Variants in TBC1D14 observed in about 807,000 individuals in gnomAD.
TBC1D14 encodes TBC1 domain family, member 14.
Under a neutral mutation model 79.0 loss-of-function variants are expected in TBC1D14, and 26 were observed. The ratio of observed to expected loss-of-function variants is 0.33; its 90% CI spans 0.24 to 0.46. The LOEUF is 0.46. Among genes scored for constraint, TBC1D14 ranks in the 20% least tolerant of loss-of-function variants. The pLI is 1.00. For missense variants in TBC1D14, 769 were observed against 887.6 expected (o/e 0.87, Z 1.70); for synonymous variants, 394 against 349.9 (o/e 1.13, Z -1.40).
chr4:6,996,316 C>T lies in TBC1D14; in HGVS notation c.963-9C>T, dbSNP rs748854657. The stretch of plus-strand genomic sequence containing the variant: ...TATAATGGTGAAAACTCATTTCTTT[C>T]CTGTCAAGAAATCTCCCAGCAAAAC... On this transcript the variant is annotated splice_polypyrimidine_tract_variant and intron_variant, in intron 4 of 13. Transcript: ENST00000409757. 3.1e-6 allele frequency: 5 copies of T among 1,610,466 alleles called. No individual in the cohort carries two copies. The highest frequency in any genetic ancestry group is 4.5e-5 in the East Asian group (2 of 44,850).
At chr4:7,021,108 T>C (rs1438072331) in intron 12 of TBC1D14, among the ~76,000 whole-genome samples, 1 of 152,182 alleles carries the variant, frequency 6.6e-6, no homozygotes, top group Non-Finnish European at 1.5e-5. Flanking sequence ...CCCATGGTGC[T>C]TCCTTGCCTC....
chr4:7,013,290 AG>A (rs779043809), intron 11 of TBC1D14, among the ~76,000 whole-genome samples: 1 of 152,364 alleles, frequency 6.6e-6, no homozygotes, highest in African/African-American at 2.4e-5. Context: ...TATGACGACC[AG>A]AAGTATCTTC....
At chr4:7,020,591 T>G (rs545458533) in intron 12 of TBC1D14, among the ~76,000 whole-genome samples, 1 of 152,240 alleles carries the variant, frequency 6.6e-6, no homozygotes, top group Non-Finnish European at 1.5e-5. Flanking sequence ...TCCAAGTTGC[T>G]GGTTTTGGCT....
intron 2 of TBC1D14, among the ~76,000 whole-genome samples, chr4:6,930,009 CAT>C (rs1452561796): frequency 6.6e-6 from 1 of 152,170 alleles, no homozygotes; most frequent in African/African-American, 2.4e-5. Context: ...TCTCTTGTAA[CAT>C]GTGTAACGTG....
rs1179701615 is a variant in TBC1D14 at position 6,923,622 on chromosome 4, C to G, written c.233C>G (p.Pro78Arg). Residue 78 changes from proline (P) to arginine (R), a missense_variant, in exon 2 of 14, where the codon CCT becomes CGT. Pro to Arg is a moderately radical substitution (Grantham distance 103). Transcript: ENST00000409757. ...ACCCTGGAGATCGGGAACCCGGAGC[C>G]TGTACCCTGCAGCGCGGTCCACGTG... ...IPTLEIGNPE[P>R]VPCSAVHVRR... 2 of 1,613,872 alleles carry G rather than the reference C, an allele frequency of 1.2e-6. No homozygotes were observed. The highest frequency in any genetic ancestry group is 2.7e-5 in the African/African-American group (2 of 74,952).
At chr4:6,961,418 C>T (rs1715180583) in intron 2 of TBC1D14, among the ~76,000 whole-genome samples, 2 of 152,066 alleles carry the variant, frequency 1.3e-5, no homozygotes, top group Non-Finnish European at 2.9e-5. Flanking sequence ...CATGGGGGAG[C>T]TGAGCTGGCC....
At chr4:6,996,507 T>A in intron 5 of TBC1D14, 100 bp downstream of exon 5, 1 of 903,552 alleles carries the variant, frequency 1.1e-6, no homozygotes, top group Admixed American at 2.5e-5. Context: ...AACCTGAACT[T>A]CAGTCTTTGA....
At chr4:6,966,549 C>T (rs531208450) in intron 2 of TBC1D14, among the ~76,000 whole-genome samples, 1 of 152,328 alleles carries the variant, frequency 6.6e-6, no homozygotes, top group South Asian at 2.1e-4. Context: ...TACTCTTTAA[C>T]ACTAATTGTG....
rs998518201 is a variant in TBC1D14, at chr4:6,957,605, C to T, written c.723-9699C>T. On this transcript the variant is annotated intron_variant, in intron 2 of 13. Transcript: ENST00000409757. ...AGAGGAATTTGGGCTGGTGATTGGG[C>T]ACTTCTTGCTATATTCCTGGGAAGA... Among the ~76,000 whole-genome samples the T allele has an allele frequency of 7.2e-5, 11 of 152,330 alleles. No individual in the cohort carries two copies. The East Asian group carries it at 9.6e-4, about 13-fold the overall frequency.
At chr4:6,954,270 G>A (rs1363959280) in intron 2 of TBC1D14, 16 of 717,274 alleles carry the variant, frequency 2.2e-5, no homozygotes, top group Admixed American at 1.4e-4. Flanking sequence ...TTCTGCAGCC[G>A]GCCCCTCGGA....
At chr4:6,912,533 C>T (rs1723086502) in intron 1 of TBC1D14, among the ~76,000 whole-genome samples, 1 of 152,108 alleles carries the variant, frequency 6.6e-6, no homozygotes, top group Non-Finnish European at 1.5e-5. Flanking sequence ...AGTTGAGGCC[C>T]AGAGCTCCAT....
chr4:6,951,735 G>A (rs1173031491), intron 2 of TBC1D14, among the ~76,000 whole-genome samples: 2 of 152,160 alleles, frequency 1.3e-5, no homozygotes, highest in Non-Finnish European at 2.9e-5. Flanking sequence ...TGGAGGAGAG[G>A]GCTAGTGAAA....
rs1391208547 is a variant in TBC1D14 at position 6,947,585 on chromosome 4, C to T, written c.723-19719C>T. ...GCTGAGGCAGGAGAATCCCTTGAAC[C>T]CGGGAGGCGGAGGTTGTAGTGAGCT... On this transcript the variant is annotated intron_variant, in intron 2 of 13. Coordinates refer to ENST00000409757, the MANE Select transcript of TBC1D14 (RefSeq NM_020773.3). 3.3e-5 allele frequency among the ~76,000 whole-genome samples: 5 copies of T among 151,604 alleles called. 1 individual carries two copies. In the South Asian group the frequency reaches 6.3e-4, roughly 19 times the overall value.
chr4:6,963,011 C>G (rs902839623), intron 2 of TBC1D14, among the ~76,000 whole-genome samples: 1 of 152,214 alleles, frequency 6.6e-6, no homozygotes, highest in Non-Finnish European at 1.5e-5. Context: ...CTGGGAGACC[C>G]CACCGAAGGT....
In TBC1D14 at chr4:7,002,773, T is replaced by A. The variant is rs57792129; in HGVS notation, c.1270+1522T>A. On this transcript the variant is annotated intron_variant, in intron 7 of 13. Transcript: ENST00000409757. ...ACTGGGTCCTGCTTAATCTCGATTT[T>A]ACTACGTTTCCAAGCCAGTGTAAGA... 3.0e-3 allele frequency among the ~76,000 whole-genome samples: 458 copies of A among 152,332 alleles called. 1 individual carries two copies. Among genetic ancestry groups the A allele is most frequent in the African/African-American group, 0.01 (430 of 41,580 alleles).
At chr4:6,945,300 A>G (rs936735008) in intron 2 of TBC1D14, among the ~76,000 whole-genome samples, 2 of 152,194 alleles carry the variant, frequency 1.3e-5, no homozygotes, top group Non-Finnish European at 2.9e-5. Flanking sequence ...TACAGGAACA[A>G]GAAGATAATA....
chr4:7,020,775 G>T (rs1383436513), intron 12 of TBC1D14, among the ~76,000 whole-genome samples: 3 of 151,990 alleles, frequency 2.0e-5, no homozygotes, highest in African/African-American at 7.3e-5. Context: ...ATCTTGGCTC[G>T]CTGCAGCCTC....
intron 2 of TBC1D14, among the ~76,000 whole-genome samples, chr4:6,963,819 T>C (rs939454244): frequency 2.0e-5 from 3 of 152,220 alleles, no homozygotes; most frequent in African/African-American, 7.2e-5. Flanking sequence ...TGTTTGAGAC[T>C]GAGTCTCACT....
intron 2 of TBC1D14, among the ~76,000 whole-genome samples, chr4:6,924,835 G>A (rs1724158033): frequency 6.6e-6 from 1 of 152,210 alleles, no homozygotes; most frequent in African/African-American, 2.4e-5. Context: ...GGCTGGTCAT[G>A]TGGGGTAATA....
Sources: gnomAD v4.1 joint callset for allele counts (sites outside exome capture counted in the v4.1 genomes callset) on GRCh38, gnomAD v4.1.1 for gene constraint, MANE v1.5 for transcripts, NCBI Gene and HGNC (gene_info 2026-07-23, HGNC 2026-07-21) for gene names.